SMARCAD1: variants seen among roughly 807,000 people sequenced by gnomAD.
SMARCAD1 encodes the protein SWI/SNF-related matrix-associated actin-dependent regulator of chromatin subfamily A containing DEAD/H box 1.
SMARCAD1 carries 25 observed loss-of-function variants against 127.1 expected under a neutral mutation model. The ratio of observed to expected loss-of-function variants is 0.20; its 90% confidence interval spans 0.14 to 0.27. The LOEUF (loss-of-function observed/expected upper bound fraction) is 0.27. Among genes scored for constraint, SMARCAD1 ranks in the 10% least tolerant of loss-of-function variants. The pLI is 1.00. For synonymous variants in SMARCAD1, 400 were observed against 396.9 expected (o/e 1.01, Z -0.09); for missense variants, 807 against 1,206.0 (o/e 0.67, Z 4.90).
Position 94,236,986 on chromosome 4 carries a change from TTGC to T in SMARCAD1, c.579_581del (p.Ala194del). On this transcript the variant is annotated inframe_deletion, in exon 5 of 24. Coordinates refer to ENST00000354268, the MANE Select transcript of SMARCAD1 (RefSeq NM_020159.5). ...TCAACAAGCACTATGGATGGAGCAA[TTGC>T]TGCTGCCTTGCTGATGTTTGGTGAT... 2 of 1,613,590 alleles carry T rather than the reference TTGC, an allele frequency of 1.2e-6. No homozygotes were observed. Among genetic ancestry groups the T allele is most frequent in the Non-Finnish European group, 1.7e-6 (2 of 1,179,714 alleles).
chr4:94,241,059 A>G lies in SMARCAD1; in HGVS notation c.705+53A>G, dbSNP rs947067177. ...AAAATTGGCTGCTTAAGGTTAGGATATGTGGAGTTTGTGGATATTATTAGA... is the reference window on the plus strand; with the variant it reads ...AAAATTGGCTGCTTAAGGTTAGGATGTGTGGAGTTTGTGGATATTATTAGA... On this transcript the variant is annotated intron_variant, in intron 6 of 23. Coordinates refer to ENST00000354268, the MANE Select transcript of SMARCAD1 (RefSeq NM_020159.5). The G allele has an allele frequency of 1.1e-4, 146 of 1,282,920 alleles. 2 individuals carry two copies. The East Asian group carries it at 3.4e-3, about 30-fold the overall frequency. 79.5% of individuals were successfully genotyped at this position (1,282,920 alleles called of 1,614,324 possible). A position where few individuals can be genotyped will look rare whatever the true frequency, so the allele number is the denominator to read the frequency against.
At position 94,252,986 on chromosome 4, in the gene SMARCAD1, C is replaced by G. The variant is rs774758822; in HGVS notation, c.1260C>G (p.Pro420=). Residue 420 remains proline, a synonymous_variant, in exon 9 of 24, where the codon CCC becomes CCG. Transcript: ENST00000354268. ...KKAQKITELR[P]FNSWEALFTK... is the part of the protein sequence containing the mutation. ...CTCAGAAGATAACAGAACTCCGGCC[C>G]TTTAATAGTTGGGAGGCTCTGGTAA... The G allele has an allele frequency of 6.8e-6, 11 of 1,613,212 alleles. No individual in the cohort carries two copies. Among genetic ancestry groups the G allele is most frequent in the Non-Finnish European group, 8.5e-6 (10 of 1,179,998 alleles).
chr4:94,246,399 G>A (rs1336469746), intron 6 of SMARCAD1, among the ~76,000 whole-genome samples: 5 of 152,110 alleles, frequency 3.3e-5, no homozygotes, highest in Non-Finnish European at 5.9e-5. Context: ...GATTACAAGC[G>A]TGAGCCAGCG....
intron 2 of SMARCAD1, among the ~76,000 whole-genome samples, chr4:94,210,276 A>G (rs1455073784): frequency 6.6e-6 from 1 of 152,216 alleles, no homozygotes; most frequent in Admixed American, 6.5e-5. Flanking sequence ...AGTTTGTTCT[A>G]GGAATGTTGA....
intron 11 of SMARCAD1, among the ~76,000 whole-genome samples, 186 bp downstream of exon 11, chr4:94,271,004 GAA>G (rs1752470201): frequency 6.6e-6 from 1 of 152,106 alleles, no homozygotes; most frequent in Non-Finnish European, 1.5e-5. Context: ...TCCCCAAGAT[GAA>G]GATAGATTTA....
chr4:94,218,264 G>A (rs1482003585), intron 2 of SMARCAD1, among the ~76,000 whole-genome samples: 1 of 151,566 alleles, frequency 6.6e-6, no homozygotes, highest in Admixed American at 6.6e-5. Flanking sequence ...TTTCCTTTAT[G>A]TTTTAATTAA....
intron 22 of SMARCAD1, among the ~76,000 whole-genome samples, chr4:94,283,809 G>A (rs553772398): frequency 1.3e-5 from 2 of 151,992 alleles, no homozygotes; most frequent in Non-Finnish European, 2.9e-5. Flanking sequence ...CTGGGCGACA[G>A]AGCAAGACTC....
At chr4:94,268,273 A>G (rs1388472286) in intron 10 of SMARCAD1, among the ~76,000 whole-genome samples, 1 of 152,100 alleles carries the variant, frequency 6.6e-6, no homozygotes, top group Non-Finnish European at 1.5e-5. Flanking sequence ...TTTCCTCATC[A>G]CTTTTTAAAA....
In SMARCAD1 at chr4:94,246,573, G is replaced by C. The variant is rs138927197; in HGVS notation, c.706-3081G>C. On this transcript the variant is annotated intron_variant, in intron 6 of 23. Transcript: ENST00000354268. Reference sequence around the variant, plus strand: ...TTCTTTTTTCTTAAGAGTGGAGTTTGCAACATGCTCCAGACTACACTCCCA... The same window carrying C: ...TTCTTTTTTCTTAAGAGTGGAGTTTCCAACATGCTCCAGACTACACTCCCA... Among the ~76,000 whole-genome samples, 280 of 152,252 alleles carry C rather than the reference G, an allele frequency of 1.8e-3. 1 individual carries two copies. Among genetic ancestry groups the C allele is most frequent in the Middle Eastern group, 3.4e-3 (1 of 294 alleles).
intron 23 of SMARCAD1, among the ~76,000 whole-genome samples, chr4:94,285,636 TC>T (rs1754829138): frequency 1.3e-5 from 2 of 152,228 alleles, no homozygotes; most frequent in African/African-American, 4.8e-5. Context: ...GGCACTCTGT[TC>T]TGTAAAAATC....
chr4:94,240,845 C>T lies in SMARCAD1; in HGVS notation c.605-61C>T, dbSNP rs2306803. 0.38 allele frequency: 482,212 copies of T among 1,270,548 alleles called. 95,483 individuals carry two copies. The highest frequency in any genetic ancestry group is 0.48 in the East Asian group (20,192 of 41,958). 78.7% of individuals were successfully genotyped at this position (1,270,548 alleles called of 1,614,324 possible). Reference sequence around the variant, plus strand: ...ATAATACATTTTTGCCTTTGTTTTACATTAAATTGATTTTTTGCTATTTCT... The same window carrying T: ...ATAATACATTTTTGCCTTTGTTTTATATTAAATTGATTTTTTGCTATTTCT... On this transcript the variant is annotated intron_variant, in intron 5 of 23. Transcript: ENST00000354268.
At chr4:94,275,796 C>CTTTTTTTTTTTTTTTTTTTTTT (rs535710589) in intron 14 of SMARCAD1, among the ~76,000 whole-genome samples, 1 of 85,412 alleles carries the variant, frequency 1.2e-5, no homozygotes, top group African/African-American at 3.7e-5. Context: ...TTAACATTTT[C>CTTTTTTTTTTTTTTTTTTTTTT]TTTTTTTTTT....
intron 9 of SMARCAD1, among the ~76,000 whole-genome samples, chr4:94,260,588 C>T (rs954974180): frequency 6.6e-6 from 1 of 152,050 alleles, no homozygotes; most frequent in African/African-American, 2.4e-5. Flanking sequence ...CCACCTGCCT[C>T]GGCCCCAAAA....
upstream of SMARCAD1, chr4:94,207,721 T>C: frequency 5.6e-6 from 1 of 179,320 alleles, no homozygotes; most frequent in Non-Finnish European, 1.2e-5. Context: ...TACATAGCAC[T>C]GAGGCTACAA....
Position 94,278,740 on chromosome 4 carries a change from T to C in SMARCAD1, c.2296+7T>C. 1 of 1,612,458 alleles carries C rather than the reference T, an allele frequency of 6.2e-7. No homozygotes were observed. The highest frequency in any genetic ancestry group is 8.5e-7 in the Non-Finnish European group (1 of 1,178,514). On this transcript the variant is annotated splice_region_variant and intron_variant, in intron 18 of 23. Coordinates refer to ENST00000354268, the MANE Select transcript of SMARCAD1 (RefSeq NM_020159.5). ...AAATCTATCAATAACTTGGGTATAATCTGATTTTTACTCTTTTATGTGAAA... is the reference window on the plus strand; with the variant it reads ...AAATCTATCAATAACTTGGGTATAACCTGATTTTTACTCTTTTATGTGAAA...
chr4:94,236,740 A>G lies in SMARCAD1; in HGVS notation c.538-212A>G, dbSNP rs116705623. Among the ~76,000 whole-genome samples the G allele has an allele frequency of 7.8e-4, 119 of 152,310 alleles. 1 individual carries two copies. The highest frequency in any genetic ancestry group is 6.8e-3 in the Middle Eastern group (2 of 294). On this transcript the variant is annotated intron_variant, in intron 4 of 23. Coordinates refer to ENST00000354268, the MANE Select transcript of SMARCAD1 (RefSeq NM_020159.5). The stretch of plus-strand genomic sequence containing the variant: ...TTTCCTTTATAGTAAGAATGAGTCA[A>G]CCTGATACATTTTAAAATATGCTTA...
At chr4:94,261,702 C>T (rs751584000) in intron 9 of SMARCAD1, among the ~76,000 whole-genome samples, 5 of 152,274 alleles carry the variant, frequency 3.3e-5, no homozygotes, top group Non-Finnish European at 5.9e-5. Flanking sequence ...CTCTGACTCC[C>T]GGGCTCAAGC....
At chr4:94,237,995 A>G (rs986183872) in intron 5 of SMARCAD1, among the ~76,000 whole-genome samples, 15 of 152,050 alleles carry the variant, frequency 9.9e-5, no homozygotes, top group African/African-American at 3.6e-4. Flanking sequence ...TATGTTTCTG[A>G]ATGCTCATTT....
rs538351177 is a variant in SMARCAD1 at position 94,258,350 on chromosome 4, T to G, written c.1281+5343T>G. 1.1e-4 allele frequency among the ~76,000 whole-genome samples: 17 copies of G among 152,222 alleles called. No homozygotes were observed. The East Asian group carries it at 3.1e-3, about 28-fold the overall frequency. ...TTGTATTTTTAGCAGAGACGGAGTT[T>G]CATGATGTTGGCCGGGCTGGTCTTG... is the stretch of plus-strand genomic sequence containing the variant. On this transcript the variant is annotated intron_variant, in intron 9 of 23. Transcript: ENST00000354268.
Sources: gnomAD v4.1 joint callset for allele counts (sites outside exome capture counted in the v4.1 genomes callset) on GRCh38, gnomAD v4.1.1 for gene constraint, MANE v1.5 for transcripts, NCBI Gene and HGNC (gene_info 2026-07-23, HGNC 2026-07-21) for gene names.